The following TEX29 variants were observed in gnomAD, a reference collection of about 807,000 sequenced individuals.
The protein encoded by TEX29 is testis expressed 29, also known as testis-expressed protein 29.
In TEX29, 26 loss-of-function variants were observed where a neutral mutation model predicts 18.2. The observed-to-expected ratio is 1.43, with a 90% CI of 1.04 to 1.98. TEX29 has a LOEUF of 1.98. Among genes scored for constraint, TEX29 ranks in the 30% most tolerant of loss-of-function variants. The probability of loss-of-function intolerance (pLI) is 0.00; values close to 1 mark genes in which losing one functional copy is unlikely to be tolerated. For synonymous variants in TEX29, 83 were observed against 78.5 expected (o/e 1.06, Z -0.31); for missense variants, 177 against 194.2 (o/e 0.91, Z 0.53).
At chr13:111,318,596 A>G (rs1331482685), upstream of TEX29, among the ~76,000 whole-genome samples, 1 of 150,346 alleles carries the variant, frequency 6.7e-6, no homozygotes, top group South Asian at 2.1e-4. Flanking sequence ...AGTCCTGGCA[A>G]TGACCACACT....
chr13:111,334,157 T>C (rs901158441), intron 3 of TEX29, among the ~76,000 whole-genome samples: 83 of 152,228 alleles, frequency 5.5e-4, no homozygotes, highest in African/African-American at 1.8e-3. Context: ...TTGACATTTT[T>C]CTTTCTTGAA....
At chr13:111,339,036 T>C (rs1204727884) in intron 3 of TEX29, among the ~76,000 whole-genome samples, 5 of 152,116 alleles carry the variant, frequency 3.3e-5, no homozygotes, top group African/African-American at 1.2e-4. Flanking sequence ...GGGCAGTCTC[T>C]CAGAAAGAGG....
chr13:111,332,567 G>T (rs2093684259), intron 3 of TEX29, among the ~76,000 whole-genome samples: 2 of 152,054 alleles, frequency 1.3e-5, no homozygotes, highest in Non-Finnish European at 2.9e-5. Context: ...GTACAATGAT[G>T]AATAGAACTA....
At chr13:111,320,995 T>TGGGGGGGGGAGCTGTGG in intron 2 of TEX29, 47 bp downstream of exon 2, 1 of 320,864 alleles carries the variant, frequency 3.1e-6, no homozygotes, top group Non-Finnish European at 5.8e-6. Flanking sequence ...GGGGAGCAGT[T>TGGGGGGGGGAGCTGTGG]GGGGGGGGGC....
At chr13:111,336,050 G>C (rs567553564) in intron 3 of TEX29, among the ~76,000 whole-genome samples, 2 of 152,324 alleles carry the variant, frequency 1.3e-5, no homozygotes, top group East Asian at 1.9e-4. Context: ...CTTCATGACT[G>C]GTGTTATAAG....
intron 3 of TEX29, among the ~76,000 whole-genome samples, chr13:111,329,519 G>A (rs2093679474): frequency 6.6e-6 from 1 of 151,400 alleles, no homozygotes; most frequent in South Asian, 2.1e-4. Flanking sequence ...AGAAAGTCGG[G>A]AAACGTTAGT....
At chr13:111,321,280 C>T (rs2093664118) in intron 2 of TEX29, among the ~76,000 whole-genome samples, 1 of 152,134 alleles carries the variant, frequency 6.6e-6, no homozygotes, top group African/African-American at 2.4e-5. Context: ...ACTTTTATTG[C>T]AGGAGTGACT....
intron 2 of TEX29, 35 bp downstream of exon 2, chr13:111,320,983 T>TGGGGGGGGGGGGGGGGGGGGGGG: frequency 5.2e-6 from 1 of 193,520 alleles, no homozygotes; most frequent in Non-Finnish European, 9.0e-6. Flanking sequence ...GCGGGTGGGG[T>TGGGGGGGGGGGGGGGGGGGGGGG]GGGGGAGCAG....
At chr13:111,337,164 C>T (rs1308330316) in intron 3 of TEX29, among the ~76,000 whole-genome samples, 1 of 152,210 alleles carries the variant, frequency 6.6e-6, no homozygotes, top group East Asian at 1.9e-4. Context: ...TGCAGATTCT[C>T]TGGGCAAGCT....
chr13:111,328,965 T>C (rs1394559925), intron 3 of TEX29, among the ~76,000 whole-genome samples: 2 of 151,556 alleles, frequency 1.3e-5, no homozygotes, highest in African/African-American at 2.4e-5. Flanking sequence ...CGAAGGGAGG[T>C]GGGAGAAGGT....
Position 111,328,309 on chromosome 13 carries a change from G to A in TEX29, c.169+16G>A, listed in dbSNP as rs1484534722. On this transcript the variant is annotated intron_variant, in intron 3 of 5. Transcript: ENST00000283547. ...GCGGTTCCCAGTGAGTAGACGCCCC[G>A]GCCACCCCGTGGCGGAAGCCGAGGT... 6.3e-6 allele frequency: 10 copies of A among 1,594,162 alleles called. No individual in the cohort carries two copies. Among genetic ancestry groups the A allele is most frequent in the Admixed American group, 1.7e-5 (1 of 59,954 alleles).
intron 5 of TEX29, among the ~76,000 whole-genome samples, 183 bp downstream of exon 5, chr13:111,343,114 G>C (rs2093699288): frequency 6.6e-6 from 1 of 152,218 alleles, no homozygotes; most frequent in African/African-American, 2.4e-5. Flanking sequence ...CAGGGTGGAT[G>C]TGGCTGTCAG....
intron 2 of TEX29, among the ~76,000 whole-genome samples, chr13:111,327,348 A>G (rs945042693): frequency 1.3e-5 from 2 of 152,314 alleles, no homozygotes; most frequent in East Asian, 1.9e-4. Context: ...CTCAAGGGTC[A>G]AGAAGGCCGG....
At position 111,342,800 on chromosome 13, in the gene TEX29, T is replaced by A; in HGVS notation, c.284T>A (p.Val95Asp). The A allele has an allele frequency of 1.2e-6, 2 of 1,614,094 alleles. No homozygotes were observed. Among genetic ancestry groups the A allele is most frequent in the South Asian group, 2.2e-5 (2 of 91,070 alleles). ...AAAGAAAAGGCCATCCCTGTGGATG[T>A]CGCGCTGCCACAGAAGTCCAGCGAA... ...SRKEKAIPVDVALPQKSSEKA... is the reference protein window; with the variant it reads ...SRKEKAIPVDDALPQKSSEKA... The change falls in exon 5 of 6, where the codon GTC (valine) becomes GAC (aspartate). Residue 95 changes from valine (V) to aspartate (D), a missense_variant. By Grantham distance (152) the Val-to-Asp change is radical (BLOSUM62 -3). Transcript: ENST00000283547.
At chr13:111,319,232 A>G (rs2477466), upstream of TEX29, among the ~76,000 whole-genome samples, 42,958 of 152,118 alleles carry the variant, frequency 0.28, 6,961 homozygotes, top group East Asian at 0.82. Flanking sequence ...TATACCAAGG[A>G]TAAGTGAAAA....
chr13:111,337,421 A>T (rs2093691012), intron 3 of TEX29, among the ~76,000 whole-genome samples: 1 of 152,026 alleles, frequency 6.6e-6, no homozygotes, highest in African/African-American at 2.4e-5. Context: ...TTGGTACCAG[A>T]TGTTATAGGA....
chr13:111,320,992 A>C, intron 2 of TEX29, 44 bp downstream of exon 2: 7 of 235,172 alleles, frequency 3.0e-5, no homozygotes, highest in East Asian at 1.0e-4. Flanking sequence ...GTGGGGGAGC[A>C]GTTGGGGGGG....
Position 111,343,047 on chromosome 13 carries a change from T to C in TEX29, c.415+116T>C, listed in dbSNP as rs2093699205. Reference sequence around the variant, plus strand: ...TACACAGGCCCTTCAACCTCAGTGATCAGTGTTGCAGTTTGTTCAAAATTG... The same window carrying C: ...TACACAGGCCCTTCAACCTCAGTGACCAGTGTTGCAGTTTGTTCAAAATTG... On this transcript the variant is annotated intron_variant, in intron 5 of 5. Transcript: ENST00000283547. 15 of 1,269,532 alleles carry C rather than the reference T, an allele frequency of 1.2e-5. No homozygotes were observed. In the South Asian group the frequency reaches 2.0e-4, roughly 17 times the overall value. 78.6% of individuals were successfully genotyped at this position (1,269,532 alleles called of 1,614,324 possible). A position where few individuals can be genotyped will look rare whatever the true frequency, so the allele number is the denominator to read the frequency against.
intron 2 of TEX29, 88 bp downstream of exon 2, chr13:111,321,036 G>T: frequency 7.0e-7 from 1 of 1,430,650 alleles, no homozygotes; most frequent in Non-Finnish European, 9.6e-7. Flanking sequence ...CCCCTGGCGC[G>T]GACAGGGGGT....
Sources: allele counts gnomAD v4.1 joint callset (sites outside exome capture counted in the v4.1 genomes callset), GRCh38; gene constraint gnomAD v4.1.1; transcripts MANE v1.5; gene names NCBI Gene and HGNC (gene_info 2026-07-23, HGNC 2026-07-21).